The following RUNX2 variants were observed in gnomAD, a reference collection of about 807,000 sequenced individuals.
The protein encoded by RUNX2 is RUNX family transcription factor 2.
RUNX2 carries 10 observed loss-of-function variants against 51.7 expected under a neutral mutation model. The ratio of observed to expected loss-of-function variants is 0.19; its 90% CI spans 0.12 to 0.33. RUNX2 has a LOEUF of 0.33. Among genes scored for constraint, RUNX2 ranks in the 10% least tolerant of loss-of-function variants. The pLI is 1.00. For synonymous variants in RUNX2, 276 were observed against 273.6 expected, an observed-to-expected ratio of 1.01 and a Z score of -0.09; for missense variants, 562 against 691.3, an observed-to-expected ratio of 0.81 and a Z score of 2.10.
chr6:45,485,105 G>A (rs1800228916), intron 5 of RUNX2, among the ~76,000 whole-genome samples: 1 of 151,928 alleles, frequency 6.6e-6, no homozygotes, highest in African/African-American at 2.4e-5. Context: ...AGTGAAGTCT[G>A]AATGCATGGT....
chr6:45,416,786 A>G (rs1478408769), intron 2 of RUNX2, among the ~76,000 whole-genome samples: 1 of 152,236 alleles, frequency 6.6e-6, no homozygotes, highest in Non-Finnish European at 1.5e-5. Context: ...AGTCAGTACC[A>G]TGCCTGAAGA....
intron 7 of RUNX2, among the ~76,000 whole-genome samples, chr6:45,544,524 T>TC (rs937795447): frequency 6.6e-6 from 1 of 152,248 alleles, no homozygotes; most frequent in African/African-American, 2.4e-5. Context: ...CAGATACACC[T>TC]AAGAAGCAGT....
At chr6:45,371,971 G>C (rs562922252) in intron 2 of RUNX2, 6 of 817,260 alleles carry the variant, frequency 7.3e-6, no homozygotes, top group African/African-American at 1.9e-5. Flanking sequence ...GACTAAAACT[G>C]AGGTCCCCCG....
chr6:45,493,626 A>G (rs1338167189), intron 6 of RUNX2, among the ~76,000 whole-genome samples: 2 of 152,046 alleles, frequency 1.3e-5, no homozygotes, highest in African/African-American at 4.8e-5. Flanking sequence ...TAAGAAATCC[A>G]TACTTATACC....
At chr6:45,384,706 CTTTTTTTTTTTT>C (rs56307239) in intron 2 of RUNX2, among the ~76,000 whole-genome samples, 4 of 61,204 alleles carry the variant, frequency 6.5e-5, no homozygotes, top group Admixed American at 2.4e-4. Flanking sequence ...ATTAGGGTGT[CTTTTTTTTTTTT>C]TTTTTTTTTT....
rs112468128 is a variant in RUNX2 at position 45,471,513 on chromosome 6, C to T, written c.686-20428C>T. Among the ~76,000 whole-genome samples the T allele has an allele frequency of 5.0e-3, 751 of 150,308 alleles. 3 individuals carry two copies. The highest frequency in any genetic ancestry group is 0.017 in the African/African-American group (707 of 40,834). ...AGGCTGGAGTGTGGTGGCGCGATCTCGGCTCACTGCAAGCTCCGCCTCCCA... is the reference window on the plus strand; with the variant it reads ...AGGCTGGAGTGTGGTGGCGCGATCTTGGCTCACTGCAAGCTCCGCCTCCCA... On this transcript the variant is annotated intron_variant, in intron 5 of 8. Coordinates refer to ENST00000647337, the MANE Select transcript of RUNX2 (RefSeq NM_001024630.4).
intron 5 of RUNX2, among the ~76,000 whole-genome samples, chr6:45,476,773 T>C (rs565980088): frequency 3.3e-5 from 5 of 152,358 alleles, no homozygotes; most frequent in Admixed American, 6.5e-5. Context: ...AAATAATACA[T>C]CTTTGTATAA....
intron 2 of RUNX2, among the ~76,000 whole-genome samples, chr6:45,386,462 G>C (rs571027407): frequency 2.0e-5 from 3 of 152,318 alleles, no homozygotes; most frequent in African/African-American, 7.2e-5. Context: ...GATTGTAGCA[G>C]AGACACAATT....
intron 2 of RUNX2, chr6:45,378,019 C>G (rs1394487574): frequency 6.6e-6 from 1 of 151,826 alleles, no homozygotes; most frequent in African/African-American, 2.4e-5. Flanking sequence ...GTAAGCGATA[C>G]GGACGCCCCC....
intron 6 of RUNX2, among the ~76,000 whole-genome samples, chr6:45,495,916 C>T (rs1800630621): frequency 6.6e-6 from 1 of 152,172 alleles, no homozygotes; most frequent in Non-Finnish European, 1.5e-5. Flanking sequence ...TGTATTCCCT[C>T]CCTGGTATCT....
chr6:45,434,112 C>T (rs1398760822), intron 4 of RUNX2, among the ~76,000 whole-genome samples: 1 of 151,836 alleles, frequency 6.6e-6, no homozygotes, highest in Admixed American at 6.6e-5. Context: ...TATATCACTG[C>T]ATTAACATTG....
chr6:45,411,550 G>A (rs1797951064), intron 2 of RUNX2, among the ~76,000 whole-genome samples: 1 of 152,050 alleles, frequency 6.6e-6, no homozygotes, highest in African/African-American at 2.4e-5. Context: ...TGTAAGATGA[G>A]TTATGCTTCT....
chr6:45,441,520 A>G (rs1798841903), intron 5 of RUNX2, among the ~76,000 whole-genome samples: 1 of 152,206 alleles, frequency 6.6e-6, no homozygotes, highest in Admixed American at 6.5e-5. Context: ...TAGCACAGTG[A>G]CTGTCATGTA....
chr6:45,484,630 G>C (rs1339287708), intron 5 of RUNX2, among the ~76,000 whole-genome samples: 1 of 152,158 alleles, frequency 6.6e-6, no homozygotes, highest in African/African-American at 2.4e-5. Flanking sequence ...GAATGTACTT[G>C]AGTCTGGGTA....
intron 7 of RUNX2, among the ~76,000 whole-genome samples, chr6:45,523,160 A>G (rs1801560399): frequency 6.6e-6 from 1 of 152,190 alleles, no homozygotes; most frequent in African/African-American, 2.4e-5. Context: ...TGACATCCCT[A>G]TGTCTTAATA....
intron 2 of RUNX2, among the ~76,000 whole-genome samples, chr6:45,335,748 G>A (rs1484520159): frequency 6.6e-6 from 1 of 151,154 alleles, no homozygotes; most frequent in East Asian, 1.9e-4. Flanking sequence ...AGTAATCTAT[G>A]AGAAAACTCC....
intron 2 of RUNX2, among the ~76,000 whole-genome samples, chr6:45,332,403 G>A (rs973262664): frequency 6.6e-6 from 1 of 151,186 alleles, no homozygotes; most frequent in African/African-American, 2.4e-5. Context: ...AAATCCAATG[G>A]GACTATATTA....
intron 3 of RUNX2, among the ~76,000 whole-genome samples, chr6:45,431,250 A>T (rs1798534261): frequency 6.6e-6 from 1 of 152,152 alleles, no homozygotes; most frequent in African/African-American, 2.4e-5. Context: ...CAGTTTCTTG[A>T]TGACTTTGGA....
At chr6:45,471,137 T>C (rs2819864) in intron 5 of RUNX2, among the ~76,000 whole-genome samples, 39,364 of 152,120 alleles carry the variant, frequency 0.26, 5,927 homozygotes, top group Non-Finnish European at 0.34. Flanking sequence ...AAATTACTAC[T>C]GCATTTTTTC....
Sources: gnomAD v4.1 joint callset for allele counts (sites outside exome capture counted in the v4.1 genomes callset) on GRCh38, gnomAD v4.1.1 for gene constraint, MANE v1.5 for transcripts, NCBI Gene and HGNC (gene_info 2026-07-23, HGNC 2026-07-21) for gene names.